ACP1: variants seen among roughly 807,000 people sequenced by gnomAD.
The protein encoded by ACP1 is acid phosphatase 1, also known as low molecular weight phosphotyrosine protein phosphatase.
ACP1 carries 23 observed loss-of-function variants against 23.4 expected under a neutral mutation model. That is an observed-to-expected ratio of 0.98 (90% CI 0.71 to 1.39). The LOEUF is 1.39. ACP1 is among the 40% of genes most tolerant of loss of function. The pLI, the probability that ACP1 is intolerant of heterozygous loss-of-function variation, is 0.00. For synonymous variants in ACP1, 72 were observed against 67.2 expected (o/e 1.07, Z -0.35); for missense variants, 180 against 197.7 (o/e 0.91, Z 0.54).
chr2:269,389 C>CTGTAGTAA (rs1160647636), intron 1 of ACP1: 1 of 467,552 alleles, frequency 2.1e-6, no homozygotes, highest in Middle Eastern at 3.3e-4. Context: ...AAACTGAAGG[C>CTGTAGTAA]TGTAGTAAGG....
Position 277,505 on chromosome 2 carries a change from G to C in ACP1, c.*201G>C. The C allele has an allele frequency of 3.3e-6, 2 of 600,568 alleles. No homozygotes were observed. The highest frequency in any genetic ancestry group is 4.0e-5 in the South Asian group (2 of 50,614). The allele number at this position is 600,568 out of a possible 1,614,324, so 37.2% of individuals were successfully genotyped here. A position where few individuals can be genotyped will look rare whatever the true frequency, so the allele number is the denominator to read the frequency against. ...AGAATCAATAAAAATCTTTGATTCA[G>C]ACAGCTTATGGGGTATTTTAAGCAT... On this transcript the variant is annotated 3_prime_UTR_variant, in exon 6 of 6. Transcript: ENST00000272065.
chr2:266,937 C>T (rs1286959137), intron 1 of ACP1, among the ~76,000 whole-genome samples: 2 of 152,090 alleles, frequency 1.3e-5, no homozygotes, highest in Admixed American at 1.3e-4. Flanking sequence ...AAGGGTGACT[C>T]GAACTCAGGC....
At chr2:275,264 T>C (rs1010942619) in intron 4 of ACP1, 63 bp downstream of exon 4, 1 of 891,818 alleles carries the variant, frequency 1.1e-6, no homozygotes, top group East Asian at 2.5e-5. Context: ...CCAAGTAATT[T>C]GTTGTCCAGA....
intron 3 of ACP1, chr2:272,525 TATA>T (rs1670074366): frequency 1.4e-6 from 2 of 1,391,206 alleles, no homozygotes; most frequent in African/African-American, 2.9e-5. Flanking sequence ...CTAGGTAATT[TATA>T]ATGAGAGAGC....
At chr2:273,853 A>T (rs909150594) in intron 3 of ACP1, among the ~76,000 whole-genome samples, 3 of 152,226 alleles carry the variant, frequency 2.0e-5, no homozygotes, top group Non-Finnish European at 4.4e-5. Context: ...AATTTCTCAC[A>T]TAACTAATTT....
chr2:275,228 T>C, intron 4 of ACP1, 27 bp downstream of exon 4: 1 of 1,382,224 alleles, frequency 7.2e-7, no homozygotes, highest in Non-Finnish European at 1.0e-6. Context: ...AGAATATTTC[T>C]GTTCAACTCT....
chr2:272,058 A>G lies in ACP1; in HGVS notation c.139A>G (p.Thr47Ala), dbSNP rs1130613. The stretch of plus-strand genomic sequence containing the variant: ...GCAGTGGAGGGTAGACAGCGCGGCA[A>G]CTTCCGGGTATGAGATAGGGAACCC... ...SENWRVDSAATSGYEIGNPPD... is the reference protein window; with the variant it reads ...SENWRVDSAAASGYEIGNPPD... Residue 47 changes from threonine (T) to alanine (A), a missense_variant, in exon 3 of 6, where the codon ACT becomes GCT. Coordinates refer to ENST00000272065, the MANE Select transcript of ACP1 (RefSeq NM_004300.4). 4 of 1,613,906 alleles carry G rather than the reference A, an allele frequency of 2.5e-6. No individual in the cohort carries two copies. The South Asian group carries it at 4.4e-5, about 18-fold the overall frequency.
chr2:265,043 C>G, intron 1 of ACP1, 36 bp downstream of exon 1: 2 of 1,608,934 alleles, frequency 1.2e-6, no homozygotes, highest in South Asian at 1.1e-5. Context: ...TTCTGACGTC[C>G]TCTGGAGAGT....
chr2:274,853 T>TA (rs1323373555), intron 3 of ACP1: 1 of 226,140 alleles, frequency 4.4e-6, no homozygotes, highest in East Asian at 8.5e-5. Flanking sequence ...GACTGTATTA[T>TA]ACACTGCTAC....
intron 1 of ACP1, among the ~76,000 whole-genome samples, chr2:265,734 T>G (rs1669853739): frequency 5.3e-5 from 8 of 152,266 alleles, no homozygotes; most frequent in Admixed American, 5.2e-4. Context: ...AAGGCCTAAA[T>G]TGTCAGTAGT....
rs1670226336 is a variant in ACP1 at position 278,085 on chromosome 2, TA to T, written c.*782del. On this transcript the variant is annotated 3_prime_UTR_variant, in exon 6 of 6. Transcript: ENST00000272065. Reference sequence around the variant, plus strand: ...CCCAAATGTCCAATATAAATTGGCTTATTTTTTAAAATAATTTTAAAAGTTG... The same window carrying T: ...CCCAAATGTCCAATATAAATTGGCTTTTTTTTAAAATAATTTTAAAAGTTG... 6.6e-6 allele frequency: 1 copy of T among 152,240 alleles called. No individual in the cohort carries two copies. The highest frequency in any genetic ancestry group is 2.4e-5 in the African/African-American group (1 of 41,470). The allele number at this position is 152,240 out of a possible 1,614,324, so 9.4% of individuals were successfully genotyped here.
At chr2:266,081 A>G (rs2103069579) in intron 1 of ACP1, among the ~76,000 whole-genome samples, 1 of 152,332 alleles carries the variant, frequency 6.6e-6, no homozygotes, top group Non-Finnish European at 1.5e-5. Flanking sequence ...TGTAATACAG[A>G]AAAGGTGTGA....
intron 1 of ACP1, 119 bp downstream of exon 1, chr2:265,126 G>GAGGC: frequency 7.9e-7 from 1 of 1,260,584 alleles, no homozygotes; most frequent in Non-Finnish European, 1.1e-6. Context: ...CAGGGACTGG[G>GAGGC]AGGCCTAGGG....
chr2:274,124 C>G (rs1193679395), intron 3 of ACP1, among the ~76,000 whole-genome samples: 1 of 152,166 alleles, frequency 6.6e-6, no homozygotes, highest in African/African-American at 2.4e-5. Flanking sequence ...GATCACACCA[C>G]TGTACCCCAG....
rs1277691770 is a variant in ACP1 at position 277,795 on chromosome 2, AT to A, written c.*493del. 7 of 167,608 alleles carry A rather than the reference AT, an allele frequency of 4.2e-5. No individual in the cohort carries two copies. The highest frequency in any genetic ancestry group is 6.6e-5 in the Non-Finnish European group (5 of 76,190). The allele number at this position is 167,608 out of a possible 1,614,324, so 10.4% of individuals were successfully genotyped here. Reference sequence around the variant, plus strand: ...CCCTCCGTAGGAGCTCACAGTCTAGATTAGAAGTGTTTTAATTTCTACACAC... The same window carrying A: ...CCCTCCGTAGGAGCTCACAGTCTAGATAGAAGTGTTTTAATTTCTACACAC... On this transcript the variant is annotated 3_prime_UTR_variant, in exon 6 of 6. Transcript: ENST00000272065.
intron 3 of ACP1, among the ~76,000 whole-genome samples, chr2:273,961 G>A (rs1315199084): frequency 1.3e-5 from 2 of 152,092 alleles, no homozygotes; most frequent in African/African-American, 4.8e-5. Context: ...AGGAGGTCAA[G>A]ACCAGCCTGA....
chr2:271,790 G>A (rs1670039826), intron 1 of ACP1, 76 bp from the exon 2 acceptor site: 2 of 1,131,866 alleles, frequency 1.8e-6, no homozygotes, highest in Admixed American at 1.7e-5. Flanking sequence ...TGTGTCAGGT[G>A]TGTAAAGAAG....
At chr2:271,587 CAAT>C (rs1198923079) in intron 1 of ACP1, among the ~76,000 whole-genome samples, 1 of 151,932 alleles carries the variant, frequency 6.6e-6, no homozygotes, top group Non-Finnish European at 1.5e-5. Context: ...ACTCTTTAAA[CAAT>C]AATTTTTGTT....
intron 1 of ACP1, 31 bp from the exon 2 acceptor site, chr2:271,835 C>T (rs754834365): frequency 1.9e-6 from 3 of 1,585,798 alleles, no homozygotes; most frequent in Admixed American, 3.3e-5. Context: ...CCAACCTAAC[C>T]CTGTTTCCCC....
Sources: allele counts gnomAD v4.1 joint callset (sites outside exome capture counted in the v4.1 genomes callset), GRCh38; gene constraint gnomAD v4.1.1; transcripts MANE v1.5; gene names NCBI Gene and HGNC (gene_info 2026-07-23, HGNC 2026-07-21).